EYS: variants seen among roughly 807,000 people sequenced by gnomAD.
EYS encodes protein eyes shut homolog.
In EYS, 250 loss-of-function variants were observed where a neutral mutation model predicts 282.1. The observed-to-expected ratio is 0.89, with a 90% CI of 0.80 to 0.98. The LOEUF is 0.98. Among genes scored for constraint, EYS ranks in the 50% least tolerant of loss-of-function variants. The pLI is 0.00. For synonymous variants in EYS, 1,355 were observed against 1,282.9 expected (o/e 1.06, Z -1.20); for missense variants, 4,016 against 3,709.0 (o/e 1.08, Z -2.15).
At chr6:64,465,926 C>A (rs1775902209) in intron 26 of EYS, among the ~76,000 whole-genome samples, 1 of 151,944 alleles carries the variant, frequency 6.6e-6, no homozygotes, top group African/African-American at 2.4e-5. Context: ...AATATTCCAA[C>A]TCTAAAAATG....
chr6:65,117,821 A>T (rs9453189), intron 12 of EYS, among the ~76,000 whole-genome samples: 1 of 152,078 alleles, frequency 6.6e-6, no homozygotes, highest in African/African-American at 2.4e-5. Context: ...CTAGGCACTG[A>T]TAGATGTCCT....
intron 41 of EYS, among the ~76,000 whole-genome samples, chr6:63,745,928 T>C (rs1769200066): frequency 1.3e-5 from 2 of 152,176 alleles, no homozygotes; most frequent in African/African-American, 2.4e-5. Flanking sequence ...TCTCTCTGTG[T>C]GTACCATGTG....
intron 35 of EYS, among the ~76,000 whole-genome samples, chr6:63,973,476 T>C (rs1396275778): frequency 6.6e-6 from 1 of 152,204 alleles, no homozygotes. Context: ...AGCATTGAAT[T>C]AAAGTCTAAA....
intron 12 of EYS, among the ~76,000 whole-genome samples, chr6:65,243,126 A>C (rs1048075994): frequency 6.6e-5 from 10 of 152,164 alleles, no homozygotes; most frequent in Non-Finnish European, 1.5e-4. Context: ...TAATTTTGTC[A>C]GGCATATTTT....
At chr6:64,920,660 A>T (rs1314151483) in intron 15 of EYS, among the ~76,000 whole-genome samples, 3 of 152,120 alleles carry the variant, frequency 2.0e-5, no homozygotes, top group Non-Finnish European at 4.4e-5. Flanking sequence ...TAATATCCAT[A>T]CCTATACCCA....
intron 22 of EYS, among the ~76,000 whole-genome samples, chr6:64,785,866 C>T (rs1562190803): frequency 6.6e-6 from 1 of 152,136 alleles, no homozygotes. Context: ...TCAAGAATAG[C>T]AAATCCAGGT....
intron 31 of EYS, among the ~76,000 whole-genome samples, chr6:64,153,629 A>G (rs1047719703): frequency 1.3e-5 from 2 of 152,238 alleles, no homozygotes; most frequent in African/African-American, 4.8e-5. Context: ...ACATTCTTTA[A>G]TTAAAAATAA....
chr6:65,698,680 T>G (rs1190088892), intron 1 of EYS, among the ~76,000 whole-genome samples: 1 of 152,164 alleles, frequency 6.6e-6, no homozygotes, highest in African/African-American at 2.4e-5. Context: ...CTGGTTTCTA[T>G]TACATGAATT....
intron 2 of EYS, among the ~76,000 whole-genome samples, chr6:65,544,709 G>A (rs960794442): frequency 1.6e-4 from 24 of 152,050 alleles, no homozygotes; most frequent in African/African-American, 5.6e-4. Context: ...CATGTGCTGA[G>A]TAAAATTTTT....
Position 63,923,945 on chromosome 6 carries a change from T to C in EYS, c.7056-59587A>G, listed in dbSNP as rs575075776. On this transcript the variant is annotated intron_variant, in intron 35 of 42. Coordinates refer to ENST00000503581, the MANE Select transcript of EYS (RefSeq NM_001142800.2). ...TAAATACTAAATCCTTTATCTTAAT[T>C]TCTAGAATCTGATTGGTCAATAAAC... Among the ~76,000 whole-genome samples the C allele has an allele frequency of 2.6e-5, 4 of 152,320 alleles. No individual in the cohort carries two copies. The East Asian group carries it at 5.8e-4, about 22-fold the overall frequency.
At chr6:64,921,665 A>G (rs565783279) in intron 15 of EYS, among the ~76,000 whole-genome samples, 221 of 152,354 alleles carry the variant, frequency 1.5e-3, no homozygotes, top group Non-Finnish European at 2.9e-3. Flanking sequence ...AATTCAAAGT[A>G]GAAGAGATTT....
intron 31 of EYS, among the ~76,000 whole-genome samples, chr6:64,229,639 T>G (rs1376260307): frequency 3.3e-5 from 5 of 152,300 alleles, no homozygotes; most frequent in Middle Eastern, 3.4e-3. Context: ...TATATTTGCT[T>G]GCTTACTTAG....
chr6:64,065,749 CATA>C (rs1200318698), intron 33 of EYS, among the ~76,000 whole-genome samples: 1 of 151,936 alleles, frequency 6.6e-6, no homozygotes, highest in Non-Finnish European at 1.5e-5. Context: ...TTGCTTGCAC[CATA>C]ATATTTTCAA....
At chr6:65,673,887 T>A (rs561241839) in intron 1 of EYS, among the ~76,000 whole-genome samples, 9 of 152,094 alleles carry the variant, frequency 5.9e-5, no homozygotes, top group Non-Finnish European at 1.2e-4. Flanking sequence ...CATTTTAGTT[T>A]CCTGATATGA....
At chr6:65,147,262 C>A (rs1312636566) in intron 12 of EYS, among the ~76,000 whole-genome samples, 1 of 151,912 alleles carries the variant, frequency 6.6e-6, no homozygotes, top group Non-Finnish European at 1.5e-5. Context: ...ATATGTTCTC[C>A]ATTTGAGGGA....
chr6:65,523,088 C>T (rs1027536511), intron 2 of EYS, among the ~76,000 whole-genome samples: 1 of 152,040 alleles, frequency 6.6e-6, no homozygotes, highest in Non-Finnish European at 1.5e-5. Context: ...CACTTGTTGT[C>T]ATGACATGCA....
rs547911056 is a variant in EYS at position 63,780,570 on chromosome 6, C to A, written c.7724-2390G>T. ...TCTTTTGAGAAGTGTCTGTTCATATCCTTTGCCCAGTTTTTGATAGGGTTG... is the reference window on the plus strand; with the variant it reads ...TCTTTTGAGAAGTGTCTGTTCATATACTTTGCCCAGTTTTTGATAGGGTTG... On this transcript the variant is annotated intron_variant, in intron 39 of 42. Transcript: ENST00000503581. Among the ~76,000 whole-genome samples, 66 of 152,214 alleles carry A rather than the reference C, an allele frequency of 4.3e-4. 1 individual carries two copies. Among genetic ancestry groups the A allele is most frequent in the Non-Finnish European group, 4.7e-4 (32 of 68,014 alleles).
chr6:65,398,256 A>C (rs908783453), intron 7 of EYS, among the ~76,000 whole-genome samples: 8 of 152,004 alleles, frequency 5.3e-5, no homozygotes, highest in Non-Finnish European at 1.0e-4. Context: ...TATAGTAACC[A>C]AAACAGCATG....
chr6:65,700,300 G>A (rs1342851602), intron 1 of EYS, among the ~76,000 whole-genome samples: 2 of 151,766 alleles, frequency 1.3e-5, no homozygotes, highest in African/African-American at 4.8e-5. Context: ...AACTAAGACC[G>A]TGACAGTGAC....
Sources: gnomAD v4.1 joint callset for allele counts (sites outside exome capture counted in the v4.1 genomes callset) on GRCh38, gnomAD v4.1.1 for gene constraint, MANE v1.5 for transcripts, NCBI Gene and HGNC (gene_info 2026-07-23, HGNC 2026-07-21) for gene names.